The following PRDM2 variants were observed in gnomAD, a reference collection of about 807,000 sequenced individuals.
PRDM2 encodes PR domain zinc finger protein 2.
Under a neutral mutation model 130.0 loss-of-function variants are expected in PRDM2, and 30 were observed. The ratio of observed to expected loss-of-function variants is 0.23; its 90% CI spans 0.17 to 0.31. The LOEUF (loss-of-function observed/expected upper bound fraction) is 0.31, where lower values mean the gene tolerates loss of function less well. Ranked by LOEUF, PRDM2 falls within the 10% of genes least tolerant of loss-of-function variation. The probability of loss-of-function intolerance (pLI) is 1.00; values close to 1 mark genes in which losing one functional copy is unlikely to be tolerated. For missense variants in PRDM2, 2,011 were observed against 2,108.4 expected (o/e 0.95, Z 0.90); for synonymous variants, 871 against 782.4 (o/e 1.11, Z -1.89).
At chr1:13,748,532 CTTTT>C (rs1281160701) in intron 5 of PRDM2, among the ~76,000 whole-genome samples, 1 of 152,094 alleles carries the variant, frequency 6.6e-6, no homozygotes, top group Non-Finnish European at 1.5e-5. Context: ...ACCCTTGTAA[CTTTT>C]TTAACAGATC....
rs1047174560 is a variant in PRDM2, at chr1:13,823,466, A to G, written c.*331A>G. On this transcript the variant is annotated 3_prime_UTR_variant, in exon 10 of 10. Transcript: ENST00000311066. Reference sequence around the variant, plus strand: ...TTCCTGTTGGGGTGGGGCCTCTCCTACTATGCAATTTTTCAAGAGCTCCTT... The same window carrying G: ...TTCCTGTTGGGGTGGGGCCTCTCCTGCTATGCAATTTTTCAAGAGCTCCTT... 2 of 473,460 alleles carry G rather than the reference A, an allele frequency of 4.2e-6. No homozygotes were observed. The highest frequency in any genetic ancestry group is 1.1e-3 in the Middle Eastern group (2 of 1,806). 29.3% of individuals were successfully genotyped at this position (473,460 alleles called of 1,614,324 possible).
chr1:13,738,028 C>G (rs1483656266), intron 4 of PRDM2, among the ~76,000 whole-genome samples: 2 of 151,846 alleles, frequency 1.3e-5, no homozygotes, highest in African/African-American at 2.4e-5. Flanking sequence ...CCTAACAAAT[C>G]TGTTAGGAAC....
At position 13,802,580 on chromosome 1, in the gene PRDM2, C is replaced by G. The variant is rs114064760; in HGVS notation, c.5037-13847C>G. On this transcript the variant is annotated intron_variant, in intron 8 of 9. Transcript: ENST00000311066. Reference sequence around the variant, plus strand: ...CGGGGTGAGCTCTTCTTTTCTTGGTCCTTGGGGTTTATGTAATCCCTTTGA... The same window carrying G: ...CGGGGTGAGCTCTTCTTTTCTTGGTGCTTGGGGTTTATGTAATCCCTTTGA... Among the ~76,000 whole-genome samples the G allele has an allele frequency of 8.7e-3, 1,325 of 152,258 alleles. 22 individuals are homozygous for G. Among genetic ancestry groups the G allele is most frequent in the African/African-American group, 0.031 (1,279 of 41,538 alleles).
At chr1:13,793,542 T>C (rs1644875782) in intron 8 of PRDM2, among the ~76,000 whole-genome samples, 1 of 152,224 alleles carries the variant, frequency 6.6e-6, no homozygotes, top group African/African-American at 2.4e-5. Flanking sequence ...AAAAAAGCCC[T>C]TTGTGGGAAC....
In PRDM2 at chr1:13,782,620, C is replaced by A. The variant is rs372071205; in HGVS notation, c.4825C>A (p.Arg1609=). 3.7e-6 allele frequency: 6 copies of A among 1,614,108 alleles called. No individual in the cohort carries two copies. Among genetic ancestry groups the A allele is most frequent in the Non-Finnish European group, 5.1e-6 (6 of 1,180,006 alleles). Residue 1609 remains arginine (R), a synonymous_variant, in exon 8 of 10, where the codon CGG becomes AGG. Coordinates refer to ENST00000311066, the MANE Select transcript of PRDM2 (RefSeq NM_001393986.1). ...TGCTCAGCTTTCCAGCAAAACATCA[C>A]GGAGCCTGCACGTGAGGGTACAGAA... ...HSAQLSSKTS[R]SLHVRVQKSK...
intron 8 of PRDM2, among the ~76,000 whole-genome samples, chr1:13,794,788 A>T (rs1313668357): frequency 6.6e-6 from 1 of 152,224 alleles, no homozygotes; most frequent in East Asian, 1.9e-4. Flanking sequence ...GCCATGTATA[A>T]GATTTCATGA....
chr1:13,713,321 G>A (rs2495054), intron 1 of PRDM2, among the ~76,000 whole-genome samples: 9,428 of 152,224 alleles, frequency 0.062, 602 homozygotes, highest in African/African-American at 0.16. Flanking sequence ...TCATGGGGAG[G>A]CAGGAGTAAA....
At chr1:13,802,200 C>T (rs1421465145) in intron 8 of PRDM2, among the ~76,000 whole-genome samples, 4 of 152,206 alleles carry the variant, frequency 2.6e-5, no homozygotes, top group Admixed American at 2.6e-4. Flanking sequence ...TGGGCAGCGT[C>T]ATCCCCGTGT....
Position 13,732,854 on chromosome 1 carries a change from A to G in PRDM2, c.203A>G (p.Gln68Arg). ...GTTGGTGATAAGAAAAAAAGATCTC[A>G]GGTTAAGAATAATGTATACATGTGG... ...PFVGDKKKRS[Q>R]VKNNVYMWEV... The change falls in exon 4 of 10, where the codon CAG becomes CGG. Residue 68 changes from glutamine to arginine, a missense_variant. This residue lies in a region of PRDM2 where 79 missense variants were observed against 93.6 expected (regional missense o/e 0.84). Transcript: ENST00000311066. 1 of 1,604,906 alleles carries G rather than the reference A, an allele frequency of 6.2e-7. No individual in the cohort carries two copies.
intron 6 of PRDM2, among the ~76,000 whole-genome samples, chr1:13,751,109 GC>G (rs1643821865): frequency 1.3e-5 from 2 of 152,004 alleles, no homozygotes; most frequent in African/African-American, 4.8e-5. Flanking sequence ...TTACTCTTTT[GC>G]TTTTTTGTTT....
intron 9 of PRDM2, among the ~76,000 whole-genome samples, chr1:13,821,915 G>A (rs11807771): frequency 2.6e-5 from 4 of 152,122 alleles, no homozygotes; most frequent in Non-Finnish European, 5.9e-5. Flanking sequence ...GCCTGACCTG[G>A]GTTCAAGTCT....
At chr1:13,797,339 T>G (rs1644937996) in intron 8 of PRDM2, among the ~76,000 whole-genome samples, 1 of 152,230 alleles carries the variant, frequency 6.6e-6, no homozygotes, top group Non-Finnish European at 1.5e-5. Flanking sequence ...CGAGTGAGTT[T>G]AGTGAAAACA....
intron 8 of PRDM2, chr1:13,787,831 C>T: frequency 3.1e-6 from 3 of 982,376 alleles, no homozygotes; most frequent in East Asian, 1.1e-4. Context: ...TTAAAATTTA[C>T]AATTTGACAT....
At chr1:13,799,376 C>T (rs548996097) in intron 8 of PRDM2, among the ~76,000 whole-genome samples, 2 of 150,944 alleles carry the variant, frequency 1.3e-5, no homozygotes, top group East Asian at 2.0e-4. Flanking sequence ...ACCCGGGAGG[C>T]GGAGGCTGCC....
chr1:13,746,820 G>T (rs763362923), intron 5 of PRDM2, among the ~76,000 whole-genome samples: 16 of 152,192 alleles, frequency 1.1e-4, no homozygotes, highest in Non-Finnish European at 1.6e-4. Flanking sequence ...GCCTCCCAAA[G>T]TTCTGGGATT....
At chr1:13,784,740 A>T (rs1183211689) in intron 8 of PRDM2, among the ~76,000 whole-genome samples, 1 of 152,148 alleles carries the variant, frequency 6.6e-6, no homozygotes, top group Non-Finnish European at 1.5e-5. Flanking sequence ...ATTTTGCCTA[A>T]AAGGAAGCAC....
intron 8 of PRDM2, among the ~76,000 whole-genome samples, chr1:13,799,783 C>G (rs949655243): frequency 6.6e-6 from 1 of 152,168 alleles, no homozygotes; most frequent in Non-Finnish European, 1.5e-5. Flanking sequence ...AAATATTATA[C>G]AAGCCAATGA....
In PRDM2 at chr1:13,781,611, T is replaced by G. The variant is rs1464504073; in HGVS notation, c.3816T>G (p.Thr1272=). Residue 1272 remains threonine (T), a synonymous_variant, in exon 8 of 10, where the codon ACT becomes ACG. Coordinates refer to ENST00000311066, the MANE Select transcript of PRDM2 (RefSeq NM_001393986.1). The surrounding 1 kb of genome is among the most constrained non-coding windows in gnomAD (Gnocchi z 6.1). Reference sequence around the variant, plus strand: ...ATTCCTCTGAAGAGCTTTACACGACTATAAAAATAATGGCTTCTGGAATAA... The same window carrying G: ...ATTCCTCTGAAGAGCTTTACACGACGATAAAAATAATGGCTTCTGGAATAA... ...LNDSSEELYT[T]IKIMASGIKT... 2.5e-6 allele frequency: 4 copies of G among 1,613,556 alleles called. No homozygotes were observed. The highest frequency in any genetic ancestry group is 2.2e-5 in the South Asian group (2 of 91,070).
chr1:13,786,340 TC>T (rs1046630938), intron 8 of PRDM2, among the ~76,000 whole-genome samples: 14 of 152,294 alleles, frequency 9.2e-5, no homozygotes, highest in Admixed American at 3.3e-4. Context: ...TGCGTGTAGT[TC>T]CTTGCAGGGT....
Sources: allele counts gnomAD v4.1 joint callset (sites outside exome capture counted in the v4.1 genomes callset), GRCh38; gene constraint gnomAD v4.1.1; regional missense constraint gnomAD v4.1.1; non-coding constraint Gnocchi (gnomAD v3.1); transcripts MANE v1.5; gene names NCBI Gene and HGNC (gene_info 2026-07-23, HGNC 2026-07-21).